STXBP5L: variants seen among roughly 807,000 people sequenced by gnomAD.
STXBP5L encodes syntaxin binding protein 5L.
A neutral mutation model predicts 144.5 loss-of-function variants in STXBP5L; 65 were observed. That is an observed-to-expected ratio of 0.45 (90% CI 0.37 to 0.55). The LOEUF (loss-of-function observed/expected upper bound fraction) is 0.55. STXBP5L is among the 20% of genes least tolerant of loss of function. The pLI, the probability that STXBP5L is intolerant of heterozygous loss-of-function variation, is 0.00. For synonymous variants in STXBP5L, 505 were observed against 469.6 expected (o/e 1.08, Z -0.97); for missense variants, 1,298 against 1,405.5 (o/e 0.92, Z 1.22).
At chr3:121,180,849 GACA>G (rs1351595200) in intron 9 of STXBP5L, among the ~76,000 whole-genome samples, 1 of 152,032 alleles carries the variant, frequency 6.6e-6, no homozygotes, top group South Asian at 2.1e-4. Context: ...CTCCAGCCTG[GACA>G]ACAAGAGTGA....
At chr3:121,145,143 A>G (rs1176291418) in intron 7 of STXBP5L, among the ~76,000 whole-genome samples, 1 of 151,848 alleles carries the variant, frequency 6.6e-6, no homozygotes, top group Non-Finnish European at 1.5e-5. Flanking sequence ...TAAATTTGTT[A>G]ATAGGGTAGA....
intron 2 of STXBP5L, among the ~76,000 whole-genome samples, chr3:120,938,322 A>G (rs1266502588): frequency 6.6e-6 from 1 of 152,150 alleles, no homozygotes; most frequent in African/African-American, 2.4e-5. Context: ...TGGCTTATTT[A>G]AATCATTACT....
chr3:121,020,331 A>C (rs781011751), intron 3 of STXBP5L, among the ~76,000 whole-genome samples: 7 of 152,228 alleles, frequency 4.6e-5, no homozygotes, highest in Non-Finnish European at 1.0e-4. Flanking sequence ...AAGTTTGGAA[A>C]ACATATTTGA....
At chr3:121,317,653 G>A (rs528178833) in intron 19 of STXBP5L, among the ~76,000 whole-genome samples, 1 of 152,066 alleles carries the variant, frequency 6.6e-6, no homozygotes, top group East Asian at 1.9e-4. Flanking sequence ...AACAAAGATA[G>A]AAAAACCATA....
chr3:121,079,753 A>C (rs911411819), intron 5 of STXBP5L, among the ~76,000 whole-genome samples: 1 of 152,162 alleles, frequency 6.6e-6, no homozygotes, highest in Non-Finnish European at 1.5e-5. Context: ...GTCATGGTCT[A>C]TCTTGGAGAA....
chr3:121,101,758 A>G (rs1411456307), intron 5 of STXBP5L, among the ~76,000 whole-genome samples: 1 of 152,118 alleles, frequency 6.6e-6, no homozygotes. Context: ...GAAAGAAATA[A>G]AAGGCATCCA....
intron 20 of STXBP5L, among the ~76,000 whole-genome samples, chr3:121,342,303 T>A (rs2044742590): frequency 6.6e-6 from 1 of 152,144 alleles, no homozygotes; most frequent in Admixed American, 6.6e-5. Flanking sequence ...ATGTATGTAA[T>A]TGAGGGGCTG....
intron 20 of STXBP5L, among the ~76,000 whole-genome samples, chr3:121,331,425 A>C (rs1206247289): frequency 6.6e-6 from 1 of 152,172 alleles, no homozygotes; most frequent in African/African-American, 2.4e-5. Flanking sequence ...CCACAGAAGG[A>C]GCATCCTCCA....
intron 5 of STXBP5L, among the ~76,000 whole-genome samples, chr3:121,078,682 G>C (rs937416417): frequency 6.6e-6 from 1 of 152,236 alleles, no homozygotes; most frequent in African/African-American, 2.4e-5. Context: ...CCCGCTGCAG[G>C]TTCTGAGCCC....
intron 7 of STXBP5L, 130 bp from the exon 8 acceptor site, chr3:121,152,347 G>A: frequency 3.0e-6 from 2 of 662,204 alleles, no homozygotes; most frequent in Admixed American, 3.6e-5. Context: ...CTATATTCAA[G>A]TTCTAGAAAA....
intron 5 of STXBP5L, among the ~76,000 whole-genome samples, chr3:121,065,627 CA>C: frequency 6.6e-6 from 1 of 152,274 alleles, no homozygotes; most frequent in African/African-American, 2.4e-5. Flanking sequence ...AGGCTGGCCT[CA>C]AACCCCTAGG....
chr3:121,256,885 C>T (rs1188930606), intron 16 of STXBP5L, among the ~76,000 whole-genome samples: 1 of 151,380 alleles, frequency 6.6e-6, no homozygotes, highest in Non-Finnish European at 1.5e-5. Context: ...ACTTTATCTT[C>T]ACTGAGGTAT....
intron 3 of STXBP5L, among the ~76,000 whole-genome samples, chr3:120,962,954 G>A (rs1939049336): frequency 6.6e-6 from 1 of 152,184 alleles, no homozygotes; most frequent in Non-Finnish European, 1.5e-5. Context: ...ATTTCATTGA[G>A]CAGTGGTTTG....
rs568485737 is a variant in STXBP5L at position 121,378,930 on chromosome 3, G to T, written c.2347+44G>T. On this transcript the variant is annotated intron_variant, in intron 21 of 26. Transcript: ENST00000471454. ...ATTTTTTTGTTACAGTTAAAATTTG[G>T]TTTACAATGGTAATGGGAACAGAGA... is the stretch of plus-strand genomic sequence containing the variant. The T allele has an allele frequency of 7.6e-6, 12 of 1,573,706 alleles. No individual in the cohort carries two copies. The South Asian group carries it at 1.4e-4, about 18-fold the overall frequency.
intron 7 of STXBP5L, among the ~76,000 whole-genome samples, chr3:121,130,130 G>A (rs2044908482): frequency 6.6e-6 from 1 of 152,062 alleles, no homozygotes; most frequent in Non-Finnish European, 1.5e-5. Context: ...AGTCAAAGAT[G>A]CTTTGCAAGC....
At chr3:121,049,534 G>C (rs987023496) in intron 5 of STXBP5L, 1 of 154,334 alleles carries the variant, frequency 6.5e-6, no homozygotes, top group Non-Finnish European at 1.5e-5. Flanking sequence ...AGGGAGGGTT[G>C]TGGATGTGGT....
At chr3:121,360,740 T>C in intron 20 of STXBP5L, among the ~76,000 whole-genome samples, 1 of 152,180 alleles carries the variant, frequency 6.6e-6, no homozygotes, top group Admixed American at 6.5e-5. Context: ...TTATGTCTTA[T>C]TGTACTATGT....
chr3:121,035,160 G>T (rs1946667022), intron 3 of STXBP5L, among the ~76,000 whole-genome samples: 1 of 152,134 alleles, frequency 6.6e-6, no homozygotes, highest in Non-Finnish European at 1.5e-5. Context: ...CATTCTGCAG[G>T]TTGGCTATTC....
chr3:121,179,433 ACAGTC>A, intron 9 of STXBP5L, among the ~76,000 whole-genome samples: 1 of 152,296 alleles, frequency 6.6e-6, no homozygotes, highest in Non-Finnish European at 1.5e-5. Flanking sequence ...CCGTACATAA[ACAGTC>A]CAGTCAAAAA....
Sources: allele counts gnomAD v4.1 joint callset (sites outside exome capture counted in the v4.1 genomes callset), GRCh38; gene constraint gnomAD v4.1.1; transcripts MANE v1.5; gene names NCBI Gene and HGNC (gene_info 2026-07-23, HGNC 2026-07-21).